Variants in TMEFF2 observed in about 807,000 individuals in gnomAD.
The protein encoded by TMEFF2 is transmembrane protein with EGF like and two follistatin like domains 2, also known as tomoregulin-2.
TMEFF2 carries 28 observed loss-of-function variants against 53.8 expected under a neutral mutation model. The observed-to-expected ratio is 0.52, with a 90% CI of 0.39 to 0.71. The LOEUF is 0.71. Ranked by LOEUF, TMEFF2 falls within the 30% of genes least tolerant of loss-of-function variation. The probability of loss-of-function intolerance (pLI) is 0.00; values close to 1 mark genes in which losing one functional copy is unlikely to be tolerated. For missense variants in TMEFF2, 353 were observed against 455.2 expected (o/e 0.78, Z 2.04); for synonymous variants, 162 against 166.3 (o/e 0.97, Z 0.20).
At chr2:192,007,887 A>G (rs1686537954) in intron 5 of TMEFF2, among the ~76,000 whole-genome samples, 1 of 152,162 alleles carries the variant, frequency 6.6e-6, no homozygotes. Flanking sequence ...TACTTAAGGC[A>G]TATTGTAGTG....
At chr2:192,135,697 A>G (rs1689985732) in intron 4 of TMEFF2, among the ~76,000 whole-genome samples, 1 of 152,156 alleles carries the variant, frequency 6.6e-6, no homozygotes, top group African/African-American at 2.4e-5. Flanking sequence ...TCTGAGCCCA[A>G]GCCAAGCCAT....
chr2:192,060,669 G>A (rs770543144), intron 4 of TMEFF2, among the ~76,000 whole-genome samples: 2 of 152,142 alleles, frequency 1.3e-5, no homozygotes, highest in South Asian at 2.1e-4. Context: ...CTCAGTAAAT[G>A]TGTGCTAAAT....
At chr2:191,961,400 T>G (rs1214885505) in intron 7 of TMEFF2, among the ~76,000 whole-genome samples, 2 of 151,838 alleles carry the variant, frequency 1.3e-5, no homozygotes, top group Non-Finnish European at 2.9e-5. Context: ...TTTTCAGTTT[T>G]GAATGTGTTT....
At chr2:192,102,626 C>CTTTTTTTTTTTTTTTTT (rs10635775) in intron 4 of TMEFF2, among the ~76,000 whole-genome samples, 52 of 109,820 alleles carry the variant, frequency 4.7e-4, no homozygotes, top group East Asian at 5.5e-4. Context: ...TTTTCTTGTT[C>CTTTTTTTTTTTTTTTTT]TTTTTTTTTT....
At chr2:192,025,170 G>C (rs2105865181) in intron 5 of TMEFF2, among the ~76,000 whole-genome samples, 2 of 152,268 alleles carry the variant, frequency 1.3e-5, no homozygotes, top group African/African-American at 4.8e-5. Flanking sequence ...GATGGACAGA[G>C]TGCCTATGGT....
intron 5 of TMEFF2, among the ~76,000 whole-genome samples, chr2:192,023,241 A>C (rs559238968): frequency 1.3e-5 from 2 of 152,310 alleles, no homozygotes; most frequent in Admixed American, 1.3e-4. Context: ...ACATGAATAG[A>C]TTGAGTACAC....
chr2:192,192,130 C>A (rs1055787578), intron 1 of TMEFF2, 141 bp from the exon 2 acceptor site: 4 of 585,132 alleles, frequency 6.8e-6, no homozygotes, highest in Non-Finnish European at 1.2e-5. Flanking sequence ...TCACTGTCTA[C>A]TGATAACCTC....
intron 4 of TMEFF2, among the ~76,000 whole-genome samples, chr2:192,143,414 A>C (rs772487924): frequency 1.5e-4 from 23 of 152,138 alleles, no homozygotes; most frequent in Admixed American, 7.9e-4. Flanking sequence ...CCTAATAAAA[A>C]GTGCAAAAAC....
chr2:192,186,590 T>C (rs1488193782), intron 2 of TMEFF2, among the ~76,000 whole-genome samples: 1 of 152,082 alleles, frequency 6.6e-6, no homozygotes, highest in Non-Finnish European at 1.5e-5. Flanking sequence ...ATCGATAGAC[T>C]TGCCGATCCT....
At chr2:192,180,593 G>C (rs972098802) in intron 3 of TMEFF2, among the ~76,000 whole-genome samples, 6 of 151,682 alleles carry the variant, frequency 4.0e-5, no homozygotes, top group African/African-American at 1.5e-4. Flanking sequence ...TTCTCTGCCT[G>C]ATGTGCCCTT....
chr2:192,075,768 A>C (rs1688418229), intron 4 of TMEFF2, among the ~76,000 whole-genome samples: 1 of 152,068 alleles, frequency 6.6e-6, no homozygotes, highest in African/African-American at 2.4e-5. Context: ...AAGCACACTG[A>C]AGAAGCTAAC....
At chr2:192,116,302 A>T (rs1356288313) in intron 4 of TMEFF2, among the ~76,000 whole-genome samples, 1 of 152,018 alleles carries the variant, frequency 6.6e-6, no homozygotes, top group Non-Finnish European at 1.5e-5. Context: ...CTGAGAGCAG[A>T]GTGTGATTAC....
At chr2:191,969,955 A>T (rs529317527) in intron 7 of TMEFF2, among the ~76,000 whole-genome samples, 8 of 152,332 alleles carry the variant, frequency 5.3e-5, no homozygotes, top group African/African-American at 1.9e-4. Context: ...AGGTTTTGCT[A>T]AAAAATAACT....
intron 2 of TMEFF2, among the ~76,000 whole-genome samples, chr2:192,187,626 C>A (rs1231832182): frequency 1.3e-5 from 2 of 152,168 alleles, no homozygotes; most frequent in Non-Finnish European, 2.9e-5. Flanking sequence ...AAAAACAAGA[C>A]TCAAGTTCAG....
intron 4 of TMEFF2, among the ~76,000 whole-genome samples, chr2:192,069,972 G>T (rs181298729): frequency 0.14 from 1,691 of 11,940 alleles, 44 homozygotes; most frequent in African/African-American, 0.27. Context: ...AAATGTGTGT[G>T]TGTGTGTGTG....
intron 4 of TMEFF2, among the ~76,000 whole-genome samples, chr2:192,059,392 T>A (rs1687990719): frequency 6.6e-6 from 1 of 152,040 alleles, no homozygotes; most frequent in African/African-American, 2.4e-5. Context: ...GAGTGGACCA[T>A]GGGGATAAGA....
At chr2:192,004,933 GTTTTC>G (rs1199293871) in intron 5 of TMEFF2, among the ~76,000 whole-genome samples, 2 of 152,204 alleles carry the variant, frequency 1.3e-5, no homozygotes, top group African/African-American at 2.4e-5. Context: ...GGTTTTTTGT[GTTTTC>G]TTTTCTTTTC....
chr2:192,171,673 C>A (rs1169258580), intron 4 of TMEFF2, among the ~76,000 whole-genome samples: 1 of 151,956 alleles, frequency 6.6e-6, no homozygotes, highest in Non-Finnish European at 1.5e-5. Context: ...TTGCAGTTCC[C>A]TTTGCCTGCA....
At chr2:192,130,708 C>A (rs1689799504) in intron 4 of TMEFF2, among the ~76,000 whole-genome samples, 2 of 152,020 alleles carry the variant, frequency 1.3e-5, no homozygotes, top group African/African-American at 4.8e-5. Flanking sequence ...CCCCTATCTC[C>A]CTTCGCTGAC....
Sources: gnomAD v4.1 joint callset for allele counts (sites outside exome capture counted in the v4.1 genomes callset) on GRCh38, gnomAD v4.1.1 for gene constraint, MANE v1.5 for transcripts, NCBI Gene and HGNC (gene_info 2026-07-23, HGNC 2026-07-21) for gene names.